Variants in KALRN observed in about 807,000 individuals in gnomAD.
KALRN encodes the protein kalirin RhoGEF kinase.
In KALRN, 70 loss-of-function variants were observed where a neutral mutation model predicts 353.7. That is an observed-to-expected ratio of 0.20 (90% confidence interval 0.16 to 0.24). The LOEUF (loss-of-function observed/expected upper bound fraction) is 0.24. KALRN is among the 10% of genes least tolerant of loss of function. The pLI, the probability that KALRN is intolerant of heterozygous loss-of-function variation, is 1.00. For synonymous variants in KALRN, 1,391 were observed against 1,434.8 expected, an observed-to-expected ratio of 0.97 and a Z score of 0.69; for missense variants, 2,791 against 3,756.7, an observed-to-expected ratio of 0.74 and a Z score of 6.72.
rs778591403 is a variant in KALRN at position 124,455,367 on chromosome 3, G to A, written c.3735+8G>A. 29 of 1,613,084 alleles carry A rather than the reference G, an allele frequency of 1.8e-5. No individual in the cohort carries two copies. The highest frequency in any genetic ancestry group is 2.4e-5 in the Non-Finnish European group (28 of 1,179,378). On this transcript the variant is annotated splice_region_variant and intron_variant, in intron 22 of 59. Coordinates refer to ENST00000682506, the MANE Select transcript of KALRN (RefSeq NM_001388419.1). ...CTAGGAGTCAACACAGAGGTAGGCAGGGGTATTGTCCTCTGGGACATCCTC... is the reference window on the plus strand; with the variant it reads ...CTAGGAGTCAACACAGAGGTAGGCAAGGGTATTGTCCTCTGGGACATCCTC...
intron 1 of KALRN, among the ~76,000 whole-genome samples, chr3:124,185,636 C>T (rs1358657404): frequency 6.6e-6 from 1 of 152,184 alleles, no homozygotes; most frequent in African/African-American, 2.4e-5. Flanking sequence ...TCCTGTTCCT[C>T]TGGTCAGAGT....
At chr3:124,491,767 C>G (rs2063185988) in intron 31 of KALRN, 1 of 187,774 alleles carries the variant, frequency 5.3e-6, no homozygotes, top group African/African-American at 2.3e-5. Context: ...ACAAAAGACA[C>G]CTTGATTTGC....
chr3:124,228,524 A>T (rs6438835), intron 2 of KALRN, among the ~76,000 whole-genome samples: 14,768 of 152,126 alleles, frequency 0.097, 1,070 homozygotes, highest in African/African-American at 0.19. Flanking sequence ...CTGAATAATG[A>T]CTTCCAAATA....
chr3:124,718,252 C>T (rs931610576), intron 59 of KALRN, among the ~76,000 whole-genome samples: 1 of 151,564 alleles, frequency 6.6e-6, no homozygotes, highest in African/African-American at 2.4e-5. Flanking sequence ...TCTTGAGTAG[C>T]TGGGATTACA....
chr3:124,586,051 A>C (rs1299938259), intron 34 of KALRN, among the ~76,000 whole-genome samples: 1 of 152,208 alleles, frequency 6.6e-6, no homozygotes, highest in Non-Finnish European at 1.5e-5. Context: ...GCGCGTCATT[A>C]AGGTCATAAT....
chr3:124,498,229 A>C (rs2064093192), intron 33 of KALRN, among the ~76,000 whole-genome samples: 1 of 152,186 alleles, frequency 6.6e-6, no homozygotes, highest in Admixed American at 6.5e-5. Context: ...TATTTCACAG[A>C]AACAGTGCTC....
At chr3:124,325,748 G>A (rs192324060) in intron 6 of KALRN, among the ~76,000 whole-genome samples, 1 of 152,238 alleles carries the variant, frequency 6.6e-6, no homozygotes, top group African/African-American at 2.4e-5. Context: ...ATTAATAGTT[G>A]GCACAAAATC....
intron 1 of KALRN, among the ~76,000 whole-genome samples, chr3:124,088,663 C>G (rs188220901): frequency 6.6e-6 from 1 of 152,122 alleles, no homozygotes; most frequent in Non-Finnish European, 1.5e-5. Flanking sequence ...AGTCTTATCT[C>G]CATCCAAAAG....
At chr3:124,712,309 T>C (rs187089959) in intron 57 of KALRN, among the ~76,000 whole-genome samples, 17 of 152,254 alleles carry the variant, frequency 1.1e-4, no homozygotes, top group Non-Finnish European at 2.2e-4. Flanking sequence ...GGAAGTAGAA[T>C]TGGTATGTAT....
intron 15 of KALRN, among the ~76,000 whole-genome samples, chr3:124,429,567 T>TG (rs998901569): frequency 6.8e-4 from 103 of 152,220 alleles, no homozygotes; most frequent in African/African-American, 2.4e-3. Context: ...AATGTTCTGG[T>TG]GACCAGACAC....
intron 51 of KALRN, among the ~76,000 whole-genome samples, chr3:124,680,627 A>G (rs1457010667): frequency 1.3e-5 from 2 of 152,210 alleles, no homozygotes; most frequent in Non-Finnish European, 2.9e-5. Flanking sequence ...GTCCAGCACC[A>G]TGTTGTTTCA....
intron 6 of KALRN, among the ~76,000 whole-genome samples, chr3:124,301,233 G>A (rs867766761): frequency 6.6e-6 from 1 of 152,176 alleles, no homozygotes; most frequent in Non-Finnish European, 1.5e-5. Context: ...CTGCTAGTGT[G>A]GATAACTGAG....
intron 51 of KALRN, among the ~76,000 whole-genome samples, chr3:124,681,629 C>CTTTTTTTTT (rs56934346): frequency 1.1e-4 from 11 of 103,720 alleles, no homozygotes; most frequent in Admixed American, 2.5e-4. Context: ...CAGTGATTGT[C>CTTTTTTTTT]TTTTTTTTTT....
chr3:124,123,434 C>T (rs533438579), intron 1 of KALRN, among the ~76,000 whole-genome samples: 1 of 152,178 alleles, frequency 6.6e-6, no homozygotes, highest in African/African-American at 2.4e-5. Context: ...AGCACTAATT[C>T]TCTTCAATTC....
intron 1 of KALRN, among the ~76,000 whole-genome samples, chr3:124,168,928 G>C (rs2071307329): frequency 6.6e-6 from 1 of 152,178 alleles, no homozygotes. Context: ...CACATGATTA[G>C]ACAAACACCC....
chr3:124,541,035 A>G lies in KALRN; in HGVS notation c.4936-21808A>G, dbSNP rs116132593. 8.7e-3 allele frequency among the ~76,000 whole-genome samples: 1,313 copies of G among 151,772 alleles called. 8 individuals carry two copies. Among genetic ancestry groups the G allele is most frequent in the African/African-American group, 0.012 (482 of 41,368 alleles). ...ACAGCCTGTTCTGTGAGGGAGTGGA[A>G]CTTATTTCCTGTGTCTTGGTGGCAT... On this transcript the variant is annotated intron_variant, in intron 33 of 59. Transcript: ENST00000682506.
At chr3:124,236,201 A>C (rs1439171889) in intron 3 of KALRN, among the ~76,000 whole-genome samples, 1 of 152,186 alleles carries the variant, frequency 6.6e-6, no homozygotes, top group Non-Finnish European at 1.5e-5. Context: ...AAAGGTCTTA[A>C]GCTTCAGTAA....
chr3:124,145,742 G>T (rs2149831459), intron 1 of KALRN, among the ~76,000 whole-genome samples: 1 of 152,350 alleles, frequency 6.6e-6, no homozygotes, highest in Admixed American at 6.5e-5. Context: ...TGAGCCAGAA[G>T]CCAGCTTTTC....
intron 7 of KALRN, 49 bp downstream of exon 7, chr3:124,326,220 C>G (rs2079891511): frequency 1.3e-6 from 2 of 1,545,146 alleles, no homozygotes; most frequent in South Asian, 2.4e-5. Flanking sequence ...AAGGGTTGGG[C>G]ATGGGCAGGG....
Sources: allele counts gnomAD v4.1 joint callset (sites outside exome capture counted in the v4.1 genomes callset), GRCh38; gene constraint gnomAD v4.1.1; transcripts MANE v1.5; gene names NCBI Gene and HGNC (gene_info 2026-07-23, HGNC 2026-07-21).